Variants in TNR observed in about 807,000 individuals in gnomAD.
The protein encoded by TNR is tenascin R.
TNR carries 45 observed loss-of-function variants against 150.4 expected under a neutral mutation model. That is an observed-to-expected ratio of 0.30 (90% CI 0.24 to 0.38). The LOEUF is 0.38. Among genes scored for constraint, TNR ranks in the 10% least tolerant of loss-of-function variants. TNR has a pLI of 1.00. For missense variants in TNR, 1,544 were observed against 1,759.1 expected (o/e 0.88, Z 2.19); for synonymous variants, 687 against 678.4 (o/e 1.01, Z -0.20).
intron 11 of TNR, 127 bp from the exon 12 acceptor site, chr1:175,365,406 A>G: frequency 1.9e-6 from 2 of 1,077,642 alleles, no homozygotes; most frequent in Middle Eastern, 3.0e-4. Flanking sequence ...CCCACTAACC[A>G]AGAGATTCCA....
intron 9 of TNR, among the ~76,000 whole-genome samples, chr1:175,377,021 C>A (rs1370853208): frequency 6.6e-6 from 1 of 152,040 alleles, no homozygotes; most frequent in Non-Finnish European, 1.5e-5. Context: ...ACTTCTTTAG[C>A]AGAAGCAGCT....
At chr1:175,698,037 G>A (rs150918076) in intron 1 of TNR, among the ~76,000 whole-genome samples, 327 of 152,212 alleles carry the variant, frequency 2.1e-3, no homozygotes, top group Admixed American at 4.8e-3. Flanking sequence ...ATCCTTTTGC[G>A]GTCTGAACCT....
intron 1 of TNR, among the ~76,000 whole-genome samples, chr1:175,708,135 T>C (rs1400495755): frequency 1.3e-4 from 20 of 151,714 alleles, no homozygotes; most frequent in Admixed American, 1.2e-3. Flanking sequence ...ACTTATTACT[T>C]GCCATTTACA....
chr1:175,402,134 C>T lies in TNR; in HGVS notation c.976+1006G>A, dbSNP rs997107103. ...CATCCTGGCTAACAAGGTGAAACCC[C>T]GTCTCTACTAAAAATACAAAAAATT... On this transcript the variant is annotated intron_variant, in intron 4 of 22. Coordinates refer to ENST00000367674, the MANE Select transcript of TNR (RefSeq NM_003285.3). 7.9e-5 allele frequency among the ~76,000 whole-genome samples: 12 copies of T among 151,508 alleles called. No individual in the cohort carries two copies. The East Asian group carries it at 2.1e-3, about 27-fold the overall frequency.
chr1:175,498,582 T>C lies in TNR; in HGVS notation c.-64+29687A>G, dbSNP rs188476251. On this transcript the variant is annotated intron_variant, in intron 2 of 22. Coordinates refer to ENST00000367674, the MANE Select transcript of TNR (RefSeq NM_003285.3). ...CCACAGCTCTTGTTAGCCTAACTTA[T>C]GTGCCATCATCCCTCACTCTTCTAT... Among the ~76,000 whole-genome samples, 753 of 152,358 alleles carry C rather than the reference T, an allele frequency of 4.9e-3. 9 individuals are homozygous for C. The highest frequency in any genetic ancestry group is 4.5e-3 in the Non-Finnish European group (303 of 68,034).
At chr1:175,407,189 A>G (rs1654004599) in intron 2 of TNR, among the ~76,000 whole-genome samples, 1 of 152,144 alleles carries the variant, frequency 6.6e-6, no homozygotes, top group Non-Finnish European at 1.5e-5. Context: ...ATTTCCCCAG[A>G]TATTTATTGC....
At chr1:175,738,337 C>A (rs1558098819) in intron 1 of TNR, among the ~76,000 whole-genome samples, 1 of 152,070 alleles carries the variant, frequency 6.6e-6, no homozygotes, top group Non-Finnish European at 1.5e-5. Context: ...ATTATTCAGC[C>A]ATAAAAAGGA....
chr1:175,704,014 G>A (rs1666773795), intron 1 of TNR, among the ~76,000 whole-genome samples: 1 of 152,160 alleles, frequency 6.6e-6, no homozygotes. Flanking sequence ...TTTTTACAAT[G>A]CATTCCTCTA....
At chr1:175,507,599 G>A (rs749415011) in intron 2 of TNR, among the ~76,000 whole-genome samples, 1 of 150,632 alleles carries the variant, frequency 6.6e-6, no homozygotes, top group Non-Finnish European at 1.5e-5. Context: ...GGCCTATATA[G>A]CCTCAACCTT....
At chr1:175,385,783 T>G (rs1373364371) in intron 8 of TNR, among the ~76,000 whole-genome samples, 1 of 152,132 alleles carries the variant, frequency 6.6e-6, no homozygotes, top group Non-Finnish European at 1.5e-5. Context: ...TGGGGAAGGA[T>G]TTATATCAAG....
rs535676601 is a variant in TNR at position 175,515,415 on chromosome 1, G to A, written c.-64+12854C>T. Among the ~76,000 whole-genome samples, 3 of 152,314 alleles carry A rather than the reference G, an allele frequency of 2.0e-5. No homozygotes were observed. The East Asian group carries it at 5.8e-4, about 29-fold the overall frequency. ...CGCCTAATTCAGTCTAGGTTTGGGGGTAAAGAGGGAGTCAGAGAGGGTTTG... is the reference window on the plus strand; with the variant it reads ...CGCCTAATTCAGTCTAGGTTTGGGGATAAAGAGGGAGTCAGAGAGGGTTTG... On this transcript the variant is annotated intron_variant, in intron 2 of 22. Transcript: ENST00000367674.
intron 2 of TNR, among the ~76,000 whole-genome samples, chr1:175,428,235 G>A (rs1186361080): frequency 6.6e-6 from 1 of 152,108 alleles, no homozygotes; most frequent in East Asian, 1.9e-4. Context: ...ATTTGGTTAG[G>A]GCTTGTCCCT....
chr1:175,511,154 T>C (rs1659156872), intron 2 of TNR, among the ~76,000 whole-genome samples: 1 of 152,190 alleles, frequency 6.6e-6, no homozygotes, highest in Admixed American at 6.5e-5. Context: ...AGCTTCTGTT[T>C]CTTCACAAGC....
intron 1 of TNR, among the ~76,000 whole-genome samples, chr1:175,536,382 G>T (rs973783905): frequency 6.6e-6 from 1 of 152,304 alleles, no homozygotes; most frequent in African/African-American, 2.4e-5. Flanking sequence ...CCATGGCTAG[G>T]GCCTGGGTGT....
At chr1:175,398,527 A>G (rs1653545288) in intron 4 of TNR, among the ~76,000 whole-genome samples, 1 of 152,202 alleles carries the variant, frequency 6.6e-6, no homozygotes, top group Admixed American at 6.5e-5. Flanking sequence ...GGCCATGAGA[A>G]GAAGAGTTGA....
intron 1 of TNR, among the ~76,000 whole-genome samples, chr1:175,638,361 G>A (rs1489895176): frequency 6.6e-6 from 1 of 152,188 alleles, no homozygotes; most frequent in Non-Finnish European, 1.5e-5. Flanking sequence ...TCTAGAGGAT[G>A]TTCAACCTCC....
At chr1:175,734,526 C>T (rs928785748) in intron 1 of TNR, among the ~76,000 whole-genome samples, 2 of 152,146 alleles carry the variant, frequency 1.3e-5, no homozygotes, top group Admixed American at 6.5e-5. Flanking sequence ...GCAAGGTCAG[C>T]GGAGACACTT....
rs1649785040 is a variant in TNR at position 175,331,051 on chromosome 1, T to TTCTTTCTTTCCTTC, written c.3632-817_3632-816insGAAGGAAAGAAAGA. ...TTTCTTTCTTTCTTTCTTTCTTTCTTTCTTTCTTTCTTTCTTTCTTTCTTT... is the reference window on the plus strand; with the variant it reads ...TTTCTTTCTTTCTTTCTTTCTTTCTTTCTTTCTTTCCTTCTCTTTCTTTCTTTCTTTCTTTCTTT... On this transcript the variant is annotated intron_variant, in intron 20 of 22. Coordinates refer to ENST00000367674, the MANE Select transcript of TNR (RefSeq NM_003285.3). Among the ~76,000 whole-genome samples, 76 of 106,748 alleles carry TTCTTTCTTTCCTTC rather than the reference T, an allele frequency of 7.1e-4. 2 individuals are homozygous for TTCTTTCTTTCCTTC. The highest frequency in any genetic ancestry group is 3.8e-3 in the Admixed American group (37 of 9,622). 70.0% of individuals were successfully genotyped at this position (106,748 alleles called of 152,430 possible). A position where few individuals can be genotyped will look rare whatever the true frequency, so the allele number is the denominator to read the frequency against.
intron 2 of TNR, among the ~76,000 whole-genome samples, chr1:175,476,637 T>A (rs1021330569): frequency 6.6e-6 from 1 of 152,154 alleles, no homozygotes; most frequent in Non-Finnish European, 1.5e-5. Flanking sequence ...CACCTCACAA[T>A]AAAAAACCTA....
Sources: gnomAD v4.1 joint callset for allele counts (sites outside exome capture counted in the v4.1 genomes callset) on GRCh38, gnomAD v4.1.1 for gene constraint, MANE v1.5 for transcripts, NCBI Gene and HGNC (gene_info 2026-07-23, HGNC 2026-07-21) for gene names.